SCARA3: variants seen among roughly 807,000 people sequenced by gnomAD.
SCARA3 encodes the protein cellular stress response gene protein.
A neutral mutation model predicts 47.0 loss-of-function variants in SCARA3; 39 were observed. The ratio of observed to expected loss-of-function variants is 0.83; its 90% CI spans 0.64 to 1.08. SCARA3 has a LOEUF of 1.08. Among genes scored for constraint, SCARA3 ranks in the 50% least tolerant of loss-of-function variants. The pLI is 0.00. For synonymous variants in SCARA3, 356 were observed against 334.1 expected (o/e 1.07, Z -0.71); for missense variants, 724 against 792.3 (o/e 0.91, Z 1.04).
intron 1 of SCARA3, among the ~76,000 whole-genome samples, chr8:27,644,468 C>G (rs886810647): frequency 3.3e-5 from 5 of 152,122 alleles, no homozygotes; most frequent in Non-Finnish European, 5.9e-5. Context: ...TTCATGATTC[C>G]CATGCTGTCC....
the SCARA3 span, among the ~76,000 whole-genome samples, chr8:27,688,732 A>C: frequency 6.6e-6 from 1 of 152,184 alleles, no homozygotes; most frequent in African/African-American, 2.4e-5. Context: ...AGGGGCATTC[A>C]GGAAGGAATC....
downstream of SCARA3, among the ~76,000 whole-genome samples, chr8:27,674,108 C>T (rs1349919874): frequency 6.6e-6 from 1 of 152,168 alleles, no homozygotes; most frequent in African/African-American, 2.4e-5. Flanking sequence ...TGTTCCCTGT[C>T]GTAAGTCATC....
chr8:27,725,529 C>CAAA, the SCARA3 span, among the ~76,000 whole-genome samples: 3,857 of 141,532 alleles, frequency 0.027, 66 homozygotes, highest in Middle Eastern at 0.05. Flanking sequence ...CTGCCCCCTC[C>CAAA]AAAAAAAAAA....
intron 3 of SCARA3, among the ~76,000 whole-genome samples, chr8:27,655,768 C>G (rs3779622): frequency 0.099 from 15,065 of 152,138 alleles, 908 homozygotes; most frequent in East Asian, 0.27. Context: ...GAGATTCTTA[C>G]ATAATTGCTG....
At chr8:27,645,091 C>T (rs537009733) in intron 1 of SCARA3, among the ~76,000 whole-genome samples, 128 of 152,294 alleles carry the variant, frequency 8.4e-4, no homozygotes, top group Non-Finnish European at 1.6e-3. Context: ...ATATAAATTT[C>T]GCCTTCGCTG....
chr8:27,657,776 G>C (rs998626836), intron 4 of SCARA3, among the ~76,000 whole-genome samples: 2 of 151,686 alleles, frequency 1.3e-5, no homozygotes, highest in Non-Finnish European at 2.9e-5. Flanking sequence ...TCCTGACCTC[G>C]TGATCCGCCC....
the SCARA3 span, among the ~76,000 whole-genome samples, chr8:27,696,548 C>T: frequency 4.6e-5 from 7 of 151,842 alleles, no homozygotes; most frequent in Non-Finnish European, 8.8e-5. Flanking sequence ...CTTCTGAGCT[C>T]AGGCAATCCT....
intron 1 of SCARA3, among the ~76,000 whole-genome samples, chr8:27,634,925 G>T (rs1271005766): frequency 1.3e-5 from 2 of 152,194 alleles, no homozygotes; most frequent in South Asian, 2.1e-4. Context: ...TGGTCTTCAA[G>T]GTCATTTTGA....
the SCARA3 span, among the ~76,000 whole-genome samples, chr8:27,696,445 T>C: frequency 6.6e-6 from 1 of 151,992 alleles, no homozygotes; most frequent in Admixed American, 6.6e-5. Context: ...ATTTTTTGTT[T>C]TGTTTTGTTT....
At chr8:27,654,121 T>G (rs1801691952) in intron 3 of SCARA3, among the ~76,000 whole-genome samples, 1 of 152,074 alleles carries the variant, frequency 6.6e-6, no homozygotes, top group South Asian at 2.1e-4. Context: ...ATTCAAAAAT[T>G]TACATGGATT....
Position 27,658,531 on chromosome 8 carries a change from G to A in SCARA3, c.361G>A (p.Glu121Lys). ...KALNNCSFCH[E>K]AGQLGPEIRK... ...CCTGAACAACTGCTCTTTCTGCCAT[G>A]AAGCTGGGCAGCTGGGGCCAGAGAT... The change falls in exon 5 of 6, where the codon GAA becomes AAA. Residue 121 changes from glutamate (E) to lysine (K), a missense_variant. Coordinates refer to ENST00000301904, the MANE Select transcript of SCARA3 (RefSeq NM_016240.3). 1.2e-6 allele frequency: 2 copies of A among 1,612,462 alleles called. No individual in the cohort carries two copies. Among genetic ancestry groups the A allele is most frequent in the Middle Eastern group, 1.7e-4 (1 of 6,044 alleles).
upstream of SCARA3, among the ~76,000 whole-genome samples, chr8:27,633,577 T>A (rs1022491120): frequency 6.6e-6 from 1 of 151,890 alleles, no homozygotes; most frequent in Non-Finnish European, 1.5e-5. Flanking sequence ...TGAAATGGAC[T>A]AAGATCAAGG....
chr8:27,711,191 G>C, the SCARA3 span, among the ~76,000 whole-genome samples: 1 of 152,090 alleles, frequency 6.6e-6, no homozygotes, highest in Non-Finnish European at 1.5e-5. Context: ...CAAGGTGCTG[G>C]GATTACAGGC....
At chr8:27,715,837 G>GATAA in the SCARA3 span, among the ~76,000 whole-genome samples, 1 of 101,420 alleles carries the variant, frequency 9.9e-6, no homozygotes, top group Non-Finnish European at 2.0e-5. This position sits in a 1 kb window ranked among gnomAD's most constrained non-coding sequence, Gnocchi z 4.2. Flanking sequence ...TAGATAGATA[G>GATAA]ATAGATAGAT....
rs1468517637 is a variant in SCARA3 at position 27,671,658 on chromosome 8, GCACACACACATGCACA to G, written c.*310_*325del. The G allele has an allele frequency of 9.0e-7, 1 of 1,116,506 alleles. No individual in the cohort carries two copies. The highest frequency in any genetic ancestry group is 4.9e-5 in the Admixed American group (1 of 20,328). The allele number at this position is 1,116,506 out of a possible 1,614,324, so 69.2% of individuals were successfully genotyped here. A position where few individuals can be genotyped will look rare whatever the true frequency, so the allele number is the denominator to read the frequency against. ...TACATGCATGCACACACACATGCAC[GCACACACACATGCACA>G]CATACACGTGCACACATACACAGGC... is the stretch of plus-strand genomic sequence containing the variant. On this transcript the variant is annotated 3_prime_UTR_variant, in exon 6 of 6. Transcript: ENST00000301904.
the SCARA3 span, among the ~76,000 whole-genome samples, chr8:27,694,219 T>C: frequency 1.3e-5 from 2 of 152,220 alleles, no homozygotes; most frequent in Admixed American, 6.5e-5. Context: ...CCTTACTTCA[T>C]AGGGGAATAA....
chr8:27,712,517 C>T, the SCARA3 span, among the ~76,000 whole-genome samples: 1 of 149,824 alleles, frequency 6.7e-6, no homozygotes, highest in African/African-American at 2.5e-5. Context: ...GAGCCGAGAT[C>T]CCGCCACTGC....
the SCARA3 span, among the ~76,000 whole-genome samples, chr8:27,723,478 CTT>C: frequency 6.6e-6 from 1 of 152,186 alleles, no homozygotes; most frequent in African/African-American, 2.4e-5. Flanking sequence ...TCCTTAGAGT[CTT>C]AATCTCACTC....
chr8:27,670,478 C>G (rs568610), intron 5 of SCARA3, among the ~76,000 whole-genome samples: 2 of 152,090 alleles, frequency 1.3e-5, no homozygotes, highest in African/African-American at 4.8e-5. Flanking sequence ...TCATGCCCCA[C>G]TTTCTTAGTT....
Sources: gnomAD v4.1 joint callset for allele counts (sites outside exome capture counted in the v4.1 genomes callset) on GRCh38, gnomAD v4.1.1 for gene constraint, Gnocchi (gnomAD v3.1) non-coding constraint, MANE v1.5 for transcripts, NCBI Gene and HGNC (gene_info 2026-07-23, HGNC 2026-07-21) for gene names.